Variants in FGF2 observed in about 807,000 individuals in gnomAD.
FGF2 encodes fibroblast growth factor 2.
FGF2 carries 13 observed loss-of-function variants against 15.9 expected under a neutral mutation model. The ratio of observed to expected loss-of-function variants is 0.82; its 90% CI spans 0.53 to 1.30. The LOEUF (loss-of-function observed/expected upper bound fraction) is 1.30. Ranked by LOEUF, FGF2 falls within the 50% of genes most tolerant of loss-of-function variation. The probability of loss-of-function intolerance (pLI) is 0.00; values close to 1 mark genes in which losing one functional copy is unlikely to be tolerated. For missense variants in FGF2, 163 were observed against 196.9 expected (o/e 0.83, Z 1.03); for synonymous variants, 90 against 78.4 (o/e 1.15, Z -0.78).
At chr4:122,838,615 A>G (rs978411734) in intron 1 of FGF2, among the ~76,000 whole-genome samples, 1 of 152,240 alleles carries the variant, frequency 6.6e-6, no homozygotes, top group Non-Finnish European at 1.5e-5. Context: ...AAACTAGCAG[A>G]AATTTGAACA....
In FGF2 at chr4:122,854,231, C is replaced by T. The variant is rs543851088; in HGVS notation, c.179-22090C>T. ...AGTAGTAAACATAGAAAGGCATTCG[C>T]CTACAGAATTCTAATGAGCATATTC... On this transcript the variant is annotated intron_variant, in intron 1 of 2. Coordinates refer to ENST00000644866, the MANE Select transcript of FGF2 (RefSeq NM_001361665.2). Among the ~76,000 whole-genome samples, 3 of 152,288 alleles carry T rather than the reference C, an allele frequency of 2.0e-5. No individual in the cohort carries two copies. The South Asian group carries it at 6.2e-4, about 32-fold the overall frequency.
chr4:122,842,826 A>G (rs924870513), intron 1 of FGF2, among the ~76,000 whole-genome samples: 1 of 151,840 alleles, frequency 6.6e-6, no homozygotes, highest in African/African-American at 2.4e-5. Context: ...TCAGTTTTAA[A>G]CCCTTCATTT....
chr4:122,892,077 G>C (rs1727202444), intron 2 of FGF2, 134 bp from the exon 3 acceptor site: 1 of 779,834 alleles, frequency 1.3e-6, no homozygotes, highest in Non-Finnish European at 2.1e-6. Context: ...TTGTTAGTTT[G>C]ATTGCCCTGC....
chr4:122,845,675 T>G (rs1244855095), intron 1 of FGF2, among the ~76,000 whole-genome samples: 1 of 152,228 alleles, frequency 6.6e-6, no homozygotes, highest in African/African-American at 2.4e-5. Context: ...CAACTTTTCT[T>G]CTGTAGCTTC....
At chr4:122,844,799 G>C (rs1342879509) in intron 1 of FGF2, among the ~76,000 whole-genome samples, 4 of 152,044 alleles carry the variant, frequency 2.6e-5, no homozygotes, top group Admixed American at 1.3e-4. Context: ...ACCACACCCA[G>C]CTATTTTAAA....
intron 1 of FGF2, among the ~76,000 whole-genome samples, chr4:122,842,137 G>C (rs1725996873): frequency 6.6e-6 from 1 of 152,194 alleles, no homozygotes; most frequent in South Asian, 2.1e-4. Flanking sequence ...ACACAGTTCT[G>C]CTCTCTAGGT....
rs1269552740 is a variant in FGF2 at position 122,895,122 on chromosome 4, A to T, written c.*2726A>T. 1 of 152,210 alleles carries T rather than the reference A, an allele frequency of 6.6e-6. No homozygotes were observed. The highest frequency in any genetic ancestry group is 2.4e-5 in the African/African-American group (1 of 41,462). The allele number at this position is 152,210 out of a possible 1,614,324, so 9.4% of individuals were successfully genotyped here. ...AAATAAGTGCTTTTGTCTCCAGAGT[A>T]TGCGGGAGACCCTTCCACCTCAAGA... On this transcript the variant is annotated 3_prime_UTR_variant, in exon 3 of 3. Coordinates refer to ENST00000644866, the MANE Select transcript of FGF2 (RefSeq NM_001361665.2).
rs1727415997 is a variant in FGF2 at position 122,897,965 on chromosome 4, T to G, written c.*5569T>G. 3.4e-6 allele frequency: 1 copy of G among 295,354 alleles called. No individual in the cohort carries two copies. Among genetic ancestry groups the G allele is most frequent in the Non-Finnish European group, 6.2e-6 (1 of 160,520 alleles). The allele number at this position is 295,354 out of a possible 1,614,324, so 18.3% of individuals were successfully genotyped here. A position where few individuals can be genotyped will look rare whatever the true frequency, so the allele number is the denominator to read the frequency against. The stretch of plus-strand genomic sequence containing the variant: ...ATGAATGAAACATTGGAGGGAAACA[T>G]CTACTGAATTTCTGTAATTTAAAAT... On this transcript the variant is annotated 3_prime_UTR_variant, in exon 3 of 3. Coordinates refer to ENST00000644866, the MANE Select transcript of FGF2 (RefSeq NM_001361665.2).
At chr4:122,862,482 C>T (rs1042061386) in intron 1 of FGF2, among the ~76,000 whole-genome samples, 23 of 152,192 alleles carry the variant, frequency 1.5e-4, no homozygotes, top group Middle Eastern at 3.2e-3. Flanking sequence ...TTTGGTCCTA[C>T]TGTTTAACTA....
Position 122,892,653 on chromosome 4 carries a change from C to T in FGF2, c.*257C>T, listed in dbSNP as rs747377047. ...TTACCTAGAGCAATGATCTTTTTCACGCATTTGCTTTATTCGAAAAGAGGC... is the reference window on the plus strand; with the variant it reads ...TTACCTAGAGCAATGATCTTTTTCATGCATTTGCTTTATTCGAAAAGAGGC... On this transcript the variant is annotated 3_prime_UTR_variant, in exon 3 of 3. Coordinates refer to ENST00000644866, the MANE Select transcript of FGF2 (RefSeq NM_001361665.2). 58 of 1,400,522 alleles carry T rather than the reference C, an allele frequency of 4.1e-5. No individual in the cohort carries two copies. Among genetic ancestry groups the T allele is most frequent in the Non-Finnish European group, 5.0e-5 (54 of 1,069,584 alleles). 86.8% of individuals were successfully genotyped at this position (1,400,522 alleles called of 1,614,324 possible). A position where few individuals can be genotyped will look rare whatever the true frequency, so the allele number is the denominator to read the frequency against.
At chr4:122,888,929 G>C (rs1210494381) in intron 2 of FGF2, 1 of 152,130 alleles carries the variant, frequency 6.6e-6, no homozygotes, top group Non-Finnish European at 1.5e-5. Flanking sequence ...ATCTTGTTCA[G>C]TTTTGTTCAT....
At position 122,886,391 on chromosome 4, in the gene FGF2, C is replaced by T. The variant is rs536773154; in HGVS notation, c.283-5820C>T. The stretch of plus-strand genomic sequence containing the variant: ...AGTATTTGTGTCCACTGTAAAGTTA[C>T]TCTTTCACTTCCTTTCCATACTATA... On this transcript the variant is annotated intron_variant, in intron 2 of 2. Transcript: ENST00000644866. Among the ~76,000 whole-genome samples the T allele has an allele frequency of 7.4e-4, 112 of 152,218 alleles. 1 individual carries two copies. Among genetic ancestry groups the T allele is most frequent in the African/African-American group, 2.6e-3 (109 of 41,532 alleles).
At chr4:122,856,068 G>A (rs1726335322) in intron 1 of FGF2, among the ~76,000 whole-genome samples, 1 of 151,850 alleles carries the variant, frequency 6.6e-6, no homozygotes, top group South Asian at 2.1e-4. Flanking sequence ...AGTAGAATAA[G>A]CCATCAGAAA....
rs1726804027 is a variant in FGF2, at chr4:122,874,672, G to A, written c.179-1649G>A. 3.3e-5 allele frequency among the ~76,000 whole-genome samples: 5 copies of A among 151,808 alleles called. No homozygotes were observed. The South Asian group carries it at 1.0e-3, about 32-fold the overall frequency. On this transcript the variant is annotated intron_variant, in intron 1 of 2. Transcript: ENST00000644866. ...AAATAATATATTAGCTTATTTTAAAGCTAATCCCAGATATTATGTTTCATT... is the reference window on the plus strand; with the variant it reads ...AAATAATATATTAGCTTATTTTAAAACTAATCCCAGATATTATGTTTCATT...
intron 1 of FGF2, among the ~76,000 whole-genome samples, chr4:122,846,160 C>T (rs1027771835): frequency 1.3e-5 from 2 of 152,096 alleles, no homozygotes; most frequent in African/African-American, 2.4e-5. Flanking sequence ...AGAACACACA[C>T]GTTTATTAAG....
Position 122,896,623 on chromosome 4 carries a change from C to T in FGF2, c.*4227C>T, listed in dbSNP as rs1447536318. The T allele has an allele frequency of 3.9e-5, 6 of 152,000 alleles. No individual in the cohort carries two copies. Among genetic ancestry groups the T allele is most frequent in the African/African-American group, 1.5e-4 (6 of 41,368 alleles). The allele number at this position is 152,000 out of a possible 1,614,324, so 9.4% of individuals were successfully genotyped here. ...AATAAGCATAAACTAAGCAAAAGGT[C>T]AATAAGTACCTGAAACCAAGATTGG... On this transcript the variant is annotated 3_prime_UTR_variant, in exon 3 of 3. Coordinates refer to ENST00000644866, the MANE Select transcript of FGF2 (RefSeq NM_001361665.2).
At chr4:122,848,039 T>G (rs1215660012) in intron 1 of FGF2, among the ~76,000 whole-genome samples, 1 of 152,230 alleles carries the variant, frequency 6.6e-6, no homozygotes, top group African/African-American at 2.4e-5. Context: ...ACAAGGCATT[T>G]GTTGACATAA....
intron 1 of FGF2, among the ~76,000 whole-genome samples, chr4:122,855,905 G>A (rs903734337): frequency 1.3e-5 from 2 of 152,130 alleles, no homozygotes; most frequent in Admixed American, 1.3e-4. Flanking sequence ...TGATATTTGA[G>A]CTTCATCCTT....
intron 1 of FGF2, among the ~76,000 whole-genome samples, chr4:122,840,966 GA>G (rs1725971612): frequency 2.0e-5 from 3 of 151,978 alleles, no homozygotes; most frequent in Non-Finnish European, 4.4e-5. Context: ...ACAGATCTCT[GA>G]AAAAAACTCC....
Sources: allele counts gnomAD v4.1 joint callset (sites outside exome capture counted in the v4.1 genomes callset), GRCh38; gene constraint gnomAD v4.1.1; transcripts MANE v1.5; gene names NCBI Gene and HGNC (gene_info 2026-07-23, HGNC 2026-07-21).